The following DNAH7 variants were observed in gnomAD, a reference collection of about 807,000 sequenced individuals.
DNAH7 encodes dynein axonemal heavy chain 7.
A neutral mutation model predicts 444.6 loss-of-function variants in DNAH7; 397 were observed. The observed-to-expected ratio is 0.89, with a 90% CI of 0.82 to 0.97. The LOEUF (loss-of-function observed/expected upper bound fraction) is 0.97. DNAH7 is among the 50% of genes least tolerant of loss of function. DNAH7 has a pLI of 0.00. For missense variants in DNAH7, 4,902 were observed against 4,800.8 expected (o/e 1.02, Z -0.62); for synonymous variants, 1,636 against 1,624.4 (o/e 1.01, Z -0.17).
At chr2:195,763,835 T>A (rs1465310039) in intron 61 of DNAH7, among the ~76,000 whole-genome samples, 1 of 151,910 alleles carries the variant, frequency 6.6e-6, no homozygotes, top group Admixed American at 6.6e-5. Context: ...ACTAAGCTAT[T>A]CTGAAAAAGA....
At chr2:195,956,650 CAAAA>C (rs34080750) in intron 19 of DNAH7, among the ~76,000 whole-genome samples, 1 of 125,362 alleles carries the variant, frequency 8.0e-6, no homozygotes, top group African/African-American at 2.6e-5. Context: ...GACTCTGTCT[CAAAA>C]AAAAAAAAAA....
At chr2:195,954,365 A>G (rs921453595) in intron 19 of DNAH7, among the ~76,000 whole-genome samples, 1 of 152,008 alleles carries the variant, frequency 6.6e-6, no homozygotes, top group Non-Finnish European at 1.5e-5. Flanking sequence ...ACTCATCCTT[A>G]TTTATGGCTG....
rs965349386 is a variant in DNAH7 at position 195,925,648 on chromosome 2, T to C, written c.3612+778A>G. Among the ~76,000 whole-genome samples the C allele has an allele frequency of 5.3e-5, 8 of 152,340 alleles. No homozygotes were observed. In the South Asian group the frequency reaches 6.2e-4, roughly 12 times the overall value. ...ATGTGTCACTCAGTCCCTTACTCTT[T>C]GGAATCTGTCTGTCTACAGAGAACT... is the stretch of plus-strand genomic sequence containing the variant. On this transcript the variant is annotated intron_variant, in intron 22 of 64. Transcript: ENST00000312428.
At chr2:195,856,104 C>A in intron 44 of DNAH7, 113 bp from the exon 45 acceptor site, 2 of 954,968 alleles carry the variant, frequency 2.1e-6, no homozygotes, top group Admixed American at 2.8e-5. Flanking sequence ...CTTCTTTATG[C>A]AAAAATCTAA....
intron 24 of DNAH7, among the ~76,000 whole-genome samples, chr2:195,912,785 T>G (rs1239582608): frequency 6.6e-6 from 1 of 152,008 alleles, no homozygotes; most frequent in Non-Finnish European, 1.5e-5. Flanking sequence ...CCCTTCAACC[T>G]CCAATACTGG....
chr2:195,966,130 A>G (rs1431571409), intron 17 of DNAH7, among the ~76,000 whole-genome samples: 2 of 151,936 alleles, frequency 1.3e-5, no homozygotes, highest in South Asian at 2.1e-4. Flanking sequence ...ACTAGATACC[A>G]TATGTTTTGT....
intron 18 of DNAH7, 101 bp downstream of exon 18, chr2:195,960,159 A>G (rs1690983938): frequency 2.1e-6 from 2 of 946,130 alleles, no homozygotes; most frequent in South Asian, 3.7e-5. Context: ...AATATTAAGT[A>G]TGAAATATTA....
chr2:196,060,611 T>C (rs1698082466), intron 1 of DNAH7, among the ~76,000 whole-genome samples: 1 of 152,236 alleles, frequency 6.6e-6, no homozygotes, highest in South Asian at 2.1e-4. Flanking sequence ...TATGCAAACA[T>C]GTTAAAATCC....
intron 15 of DNAH7, among the ~76,000 whole-genome samples, chr2:195,980,427 A>G (rs1390666132): frequency 6.6e-6 from 1 of 152,182 alleles, no homozygotes; most frequent in Admixed American, 6.5e-5. Context: ...TTTATAAGTC[A>G]TCCAGTCTCA....
At chr2:196,024,553 G>A (rs1040715260) in intron 7 of DNAH7, 49 bp from the exon 8 acceptor site, 1 of 1,120,760 alleles carries the variant, frequency 8.9e-7, no homozygotes, top group Non-Finnish European at 1.2e-6. Flanking sequence ...ATTAACTGTA[G>A]TACATTTCCA....
At chr2:195,993,896 A>G (rs1015508252) in intron 12 of DNAH7, among the ~76,000 whole-genome samples, 1 of 152,176 alleles carries the variant, frequency 6.6e-6, no homozygotes, top group Non-Finnish European at 1.5e-5. Context: ...ACCCCATTCT[A>G]CAGCCCATCT....
chr2:196,063,032 G>C (rs1313887400), intron 1 of DNAH7, among the ~76,000 whole-genome samples: 4 of 152,036 alleles, frequency 2.6e-5, no homozygotes, highest in African/African-American at 9.7e-5. Context: ...ACAGGCGTGT[G>C]CCACCACACT....
At chr2:196,040,157 C>T (rs1173318303) in intron 5 of DNAH7, among the ~76,000 whole-genome samples, 3 of 152,118 alleles carry the variant, frequency 2.0e-5, no homozygotes, top group African/African-American at 7.2e-5. Flanking sequence ...AAAGTACTAA[C>T]ACCAATTTTT....
At chr2:195,739,925 T>C (rs1023236790) in intron 64 of DNAH7, among the ~76,000 whole-genome samples, 2 of 152,204 alleles carry the variant, frequency 1.3e-5, no homozygotes, top group Admixed American at 6.5e-5. Context: ...ATTTTTGTGT[T>C]TTTGTTGGCG....
chr2:195,841,627 C>T (rs1049932293), intron 47 of DNAH7, among the ~76,000 whole-genome samples: 1 of 151,936 alleles, frequency 6.6e-6, no homozygotes, highest in Non-Finnish European at 1.5e-5. Flanking sequence ...GAATTCAAAA[C>T]GAACAAGCAC....
chr2:195,949,932 T>C (rs1422429940), intron 19 of DNAH7, among the ~76,000 whole-genome samples: 1 of 152,220 alleles, frequency 6.6e-6, no homozygotes, highest in African/African-American at 2.4e-5. Flanking sequence ...TGAACTAGCC[T>C]TGCATCCCAG....
chr2:195,795,558 C>T (rs1696094446), intron 56 of DNAH7, among the ~76,000 whole-genome samples: 2 of 152,172 alleles, frequency 1.3e-5, no homozygotes, highest in South Asian at 4.1e-4. Context: ...GTTCAAAAGG[C>T]TAGAGCATGG....
chr2:195,840,415 A>C (rs1184661881), intron 47 of DNAH7, among the ~76,000 whole-genome samples: 1 of 151,764 alleles, frequency 6.6e-6, no homozygotes, highest in African/African-American at 2.4e-5. Flanking sequence ...GATAGTAAAA[A>C]ACTGATTCTC....
chr2:195,891,752 A>T lies in DNAH7; in HGVS notation c.4949T>A (p.Val1650Asp), dbSNP rs772150170. The change falls in exon 31 of 65, where the codon GTC becomes GAC. Residue 1650 changes from valine to aspartate, a missense_variant. By Grantham distance (152) the Val-to-Asp change is radical. Transcript: ENST00000312428. Reference sequence around the variant, plus strand: ...CTGTCCGTACAGTTGGCCCATGGTGACAGACTTAGGATTTAAAACAGTTAT... The same window carrying T: ...CTGTCCGTACAGTTGGCCCATGGTGTCAGACTTAGGATTTAAAACAGTTAT... Reference protein sequence around the residue: ...VQITVLNPKSVTMGQLYGQFD... With the variant: ...VQITVLNPKSDTMGQLYGQFD... The T allele has an allele frequency of 1.2e-6, 2 of 1,608,944 alleles. No individual in the cohort carries two copies. Among genetic ancestry groups the T allele is most frequent in the Admixed American group, 3.4e-5 (2 of 59,360 alleles).
Sources: gnomAD v4.1 joint callset for allele counts (sites outside exome capture counted in the v4.1 genomes callset) on GRCh38, gnomAD v4.1.1 for gene constraint, MANE v1.5 for transcripts, NCBI Gene and HGNC (gene_info 2026-07-23, HGNC 2026-07-21) for gene names.